Variants in PUM1 observed in about 807,000 individuals in gnomAD.
The protein encoded by PUM1 is pumilio homolog 1.
Under a neutral mutation model 131.8 loss-of-function variants are expected in PUM1, and 13 were observed. The ratio of observed to expected loss-of-function variants is 0.10; its 90% CI spans 0.06 to 0.16. The LOEUF is 0.16. Among genes scored for constraint, PUM1 ranks in the 10% least tolerant of loss-of-function variants. The pLI, the probability that PUM1 is intolerant of heterozygous loss-of-function variation, is 1.00. For synonymous variants in PUM1, 509 were observed against 556.5 expected, an observed-to-expected ratio of 0.91 and a Z score of 1.20; for missense variants, 961 against 1,512.4, an observed-to-expected ratio of 0.64 and a Z score of 6.05.
At chr1:30,997,069 T>C (rs1003214805) in intron 5 of PUM1, among the ~76,000 whole-genome samples, 2 of 152,156 alleles carry the variant, frequency 1.3e-5, no homozygotes, top group South Asian at 4.1e-4. Flanking sequence ...TCAGAAACCA[T>C]TAATGTCAAC....
Position 31,006,035 on chromosome 1 carries a change from C to T in PUM1, c.542-4G>A, listed in dbSNP as rs1414766525. ...ATTGGCTGGGAAACTGAATGATCTACAAAAAAGATACACAAGCATGATACA... is the reference window on the plus strand; with the variant it reads ...ATTGGCTGGGAAACTGAATGATCTATAAAAAAGATACACAAGCATGATACA... On this transcript the variant is annotated splice_region_variant and splice_polypyrimidine_tract_variant and intron_variant, in intron 4 of 21. Coordinates refer to ENST00000426105, the MANE Select transcript of PUM1 (RefSeq NM_001020658.2). 3 of 1,593,490 alleles carry T rather than the reference C, an allele frequency of 1.9e-6. No individual in the cohort carries two copies. Among genetic ancestry groups the T allele is most frequent in the Non-Finnish European group, 1.7e-6 (2 of 1,171,438 alleles).
chr1:31,032,116 G>C (rs6656007), intron 2 of PUM1, among the ~76,000 whole-genome samples: 1 of 152,034 alleles, frequency 6.6e-6, no homozygotes. Context: ...TTTTAAACCA[G>C]TCACCCACGT....
chr1:31,063,733 C>T (rs1052793856), intron 1 of PUM1, among the ~76,000 whole-genome samples: 1 of 152,170 alleles, frequency 6.6e-6, no homozygotes, highest in Non-Finnish European at 1.5e-5. Context: ...AAAGAAAAGA[C>T]TCCTATAAAA....
chr1:30,950,202 T>A lies in PUM1; in HGVS notation c.2781A>T (p.Ser927=). The A allele has an allele frequency of 1.2e-6, 2 of 1,614,140 alleles. No individual in the cohort carries two copies. The highest frequency in any genetic ancestry group is 1.1e-5 in the South Asian group (1 of 91,058). The change falls in exon 17 of 22, where the codon TCA becomes TCT. Residue 927 remains serine, a synonymous_variant. Transcript: ENST00000426105. ...LAERIRGHVL[S]LALQMYGCRV... The stretch of plus-strand genomic sequence containing the variant: ...GGCAGCCATACATCTGTAGTGCCAA[T>A]GACAGGACGTGGCCTCGAATCCGTT...
At chr1:31,038,203 TAA>T (rs901692691) in intron 2 of PUM1, among the ~76,000 whole-genome samples, 9 of 142,628 alleles carry the variant, frequency 6.3e-5, no homozygotes, top group Admixed American at 1.4e-4. Flanking sequence ...AGCTAAAGGT[TAA>T]AAAAAAAAAA....
At position 30,931,627 on chromosome 1, in the gene PUM1, C is replaced by T. The variant is rs973350950; in HGVS notation, c.*1584G>A. ...CATACACAGGTTTGTTAATTATACA[C>T]ATATGGTTACAAGTGTGCTTGCAAA... On this transcript the variant is annotated 3_prime_UTR_variant, in exon 22 of 22. Transcript: ENST00000426105. 6 of 152,582 alleles carry T rather than the reference C, an allele frequency of 3.9e-5. No individual in the cohort carries two copies. Among genetic ancestry groups the T allele is most frequent in the Admixed American group, 6.5e-5 (1 of 15,286 alleles). The allele number at this position is 152,582 out of a possible 1,614,324, so 9.5% of individuals were successfully genotyped here.
At chr1:31,041,870 TA>T (rs890977084) in intron 2 of PUM1, among the ~76,000 whole-genome samples, 11 of 151,160 alleles carry the variant, frequency 7.3e-5, no homozygotes, top group Non-Finnish European at 1.5e-4. Flanking sequence ...ATACTTTTTT[TA>T]AAAAAAAATG....
At chr1:31,015,347 CTT>C (rs1308071061) in intron 3 of PUM1, among the ~76,000 whole-genome samples, 1 of 147,804 alleles carries the variant, frequency 6.8e-6, no homozygotes, top group Admixed American at 6.8e-5. Flanking sequence ...TTTTCTTTTT[CTT>C]TTTTTTTTTT....
At chr1:31,013,674 T>A (rs1315420801) in intron 3 of PUM1, among the ~76,000 whole-genome samples, 1 of 152,194 alleles carries the variant, frequency 6.6e-6, no homozygotes, top group East Asian at 1.9e-4. Flanking sequence ...TAAGAGAAGA[T>A]GACATCAACT....
chr1:30,990,980 A>C (rs887384891), intron 7 of PUM1, among the ~76,000 whole-genome samples: 2 of 152,242 alleles, frequency 1.3e-5, no homozygotes, highest in Admixed American at 6.5e-5. Flanking sequence ...ATAATTGTCC[A>C]GTCTCCAAAA....
chr1:31,016,825 TA>T (rs942276297), intron 3 of PUM1, among the ~76,000 whole-genome samples: 1 of 152,156 alleles, frequency 6.6e-6, no homozygotes, highest in Non-Finnish European at 1.5e-5. Flanking sequence ...ATACTGCTTT[TA>T]AAAAAAGCAA....
At chr1:30,948,325 G>A (rs892900183) in intron 17 of PUM1, among the ~76,000 whole-genome samples, 2 of 152,076 alleles carry the variant, frequency 1.3e-5, no homozygotes, top group Non-Finnish European at 2.9e-5. Context: ...TTCCAACAAA[G>A]ATGAGTTAAT....
intron 17 of PUM1, among the ~76,000 whole-genome samples, chr1:30,948,276 G>T (rs1639766113): frequency 6.6e-6 from 1 of 151,792 alleles, no homozygotes. Context: ...AGGAGAGATG[G>T]CTTCCCTGGA....
At position 30,942,804 on chromosome 1, in the gene PUM1, AG is replaced by A. The variant is rs543041734; in HGVS notation, c.2995-682del. Among the ~76,000 whole-genome samples, 83 of 152,340 alleles carry A rather than the reference AG, an allele frequency of 5.4e-4. 1 individual carries two copies. Among genetic ancestry groups the A allele is most frequent in the African/African-American group, 1.9e-3 (78 of 41,582 alleles). On this transcript the variant is annotated intron_variant, in intron 18 of 21. Coordinates refer to ENST00000426105, the MANE Select transcript of PUM1 (RefSeq NM_001020658.2). ...TGTTTTGTTTTGGAGACAAGGCTGGAGCGCAATGGTGATCACAGCTCACTGC... is the reference window on the plus strand; with the variant it reads ...TGTTTTGTTTTGGAGACAAGGCTGGACGCAATGGTGATCACAGCTCACTGC...
intron 5 of PUM1, among the ~76,000 whole-genome samples, chr1:31,003,532 A>T: frequency 6.6e-6 from 1 of 152,096 alleles, no homozygotes; most frequent in East Asian, 1.9e-4. Context: ...TGAGGTGGGA[A>T]GATCACCTGA....
rs753839046 is a variant in PUM1, at chr1:30,941,936, CA to C, written c.3120+61del. 2.1e-6 allele frequency: 3 copies of C among 1,425,316 alleles called. No homozygotes were observed. In the South Asian group the frequency reaches 3.4e-5, roughly 16 times the overall value. The allele number at this position is 1,425,316 out of a possible 1,614,324, so 88.3% of individuals were successfully genotyped here. On this transcript the variant is annotated intron_variant, in intron 19 of 21. Coordinates refer to ENST00000426105, the MANE Select transcript of PUM1 (RefSeq NM_001020658.2). ...CTGGAACCTACACTGACAAAACACA[CA>C]AACTCTGGCCCTGCACAAGCCCACA... is the stretch of plus-strand genomic sequence containing the variant.
intron 2 of PUM1, among the ~76,000 whole-genome samples, chr1:31,054,092 TCAAAAAAAA>T (rs1644177805): frequency 5.9e-5 from 2 of 33,838 alleles, no homozygotes; most frequent in African/African-American, 1.4e-4. Context: ...AGACTTTATT[TCAAAAAAAA>T]AAAAAAAAAA....
At chr1:31,011,745 G>T (rs541259866) in intron 3 of PUM1, among the ~76,000 whole-genome samples, 26 of 152,248 alleles carry the variant, frequency 1.7e-4, no homozygotes, top group African/African-American at 6.3e-4. Flanking sequence ...CCTATGAAAA[G>T]ATAGTTCCTA....
Position 30,968,494 on chromosome 1 carries a change from T to TG in PUM1, c.1507-3dup. 6.3e-7 allele frequency: 1 copy of TG among 1,590,852 alleles called. No individual in the cohort carries two copies. Among genetic ancestry groups the TG allele is most frequent in the Non-Finnish European group, 8.5e-7 (1 of 1,174,090 alleles). On this transcript the variant is annotated splice_region_variant and splice_polypyrimidine_tract_variant and intron_variant, in intron 10 of 21. Coordinates refer to ENST00000426105, the MANE Select transcript of PUM1 (RefSeq NM_001020658.2). ...TTGGCTGGCTCCTCCACGGAGAACC[T>TG]GGGAAAGGAAGACAGAAATAACTCA...
Sources: gnomAD v4.1 joint callset for allele counts (sites outside exome capture counted in the v4.1 genomes callset) on GRCh38, gnomAD v4.1.1 for gene constraint, MANE v1.5 for transcripts, NCBI Gene and HGNC (gene_info 2026-07-23, HGNC 2026-07-21) for gene names.